The following CDH10 variants were observed in gnomAD, a reference collection of about 807,000 sequenced individuals.
CDH10 encodes cadherin-10.
In CDH10, 30 loss-of-function variants were observed where a neutral mutation model predicts 73.1. The observed-to-expected ratio is 0.41, with a 90% CI of 0.31 to 0.56. The LOEUF (loss-of-function observed/expected upper bound fraction) is 0.56. Among genes scored for constraint, CDH10 ranks in the 20% least tolerant of loss-of-function variants. CDH10 has a pLI of 0.27. For missense variants in CDH10, 815 were observed against 973.7 expected (o/e 0.84, Z 2.17); for synonymous variants, 345 against 348.2 (o/e 0.99, Z 0.10).
intron 2 of CDH10, among the ~76,000 whole-genome samples, chr5:24,547,840 A>G (rs1744398745): frequency 6.6e-6 from 1 of 152,184 alleles, no homozygotes; most frequent in Non-Finnish European, 1.5e-5. Flanking sequence ...TCCCTTGACA[A>G]ATGGCCATCG....
chr5:24,644,345 C>T (rs1748146921), intron 1 of CDH10, among the ~76,000 whole-genome samples: 1 of 152,068 alleles, frequency 6.6e-6, no homozygotes, highest in African/African-American at 2.4e-5. Context: ...TATCATGACC[C>T]ACTGTTGAGC....
At chr5:24,608,207 C>T (rs1166630805) in intron 1 of CDH10, among the ~76,000 whole-genome samples, 1 of 152,066 alleles carries the variant, frequency 6.6e-6, no homozygotes, top group Non-Finnish European at 1.5e-5. Flanking sequence ...GTTGGCAAAT[C>T]GAGTCATCTT....
intron 1 of CDH10, among the ~76,000 whole-genome samples, chr5:24,602,370 A>G (rs1746594547): frequency 6.6e-6 from 1 of 152,166 alleles, no homozygotes; most frequent in Admixed American, 6.5e-5. Context: ...CTGGACCATT[A>G]AGCCACAATC....
chr5:24,495,746 C>G (rs1204062843), intron 9 of CDH10, among the ~76,000 whole-genome samples: 2 of 151,544 alleles, frequency 1.3e-5, no homozygotes, highest in African/African-American at 2.4e-5. Context: ...ACTTGGGAGG[C>G]TGAGGCAGGA....
rs190453241 is a variant in CDH10, at chr5:24,617,531, G to A, written c.-123-23918C>T. Among the ~76,000 whole-genome samples the A allele has an allele frequency of 1.0e-3, 155 of 152,232 alleles. 1 individual carries two copies. The highest frequency in any genetic ancestry group is 3.4e-3 in the African/African-American group (142 of 41,556). ...AATTGGCTCCTCATAGCCTATGCAT[G>A]CCAATATAAATTCTAAATGACTTTA... On this transcript the variant is annotated intron_variant, in intron 1 of 11. Transcript: ENST00000264463.
intron 5 of CDH10, among the ~76,000 whole-genome samples, chr5:24,528,624 C>T (rs1743619945): frequency 6.6e-6 from 1 of 151,962 alleles, no homozygotes; most frequent in African/African-American, 2.4e-5. Context: ...GTGTTTGGTC[C>T]TTGGATATTG....
chr5:24,601,934 A>G (rs1166389499), intron 1 of CDH10, among the ~76,000 whole-genome samples: 1 of 152,162 alleles, frequency 6.6e-6, no homozygotes, highest in Non-Finnish European at 1.5e-5. Context: ...TGCAATTCCA[A>G]CTAAATCACA....
intron 2 of CDH10, among the ~76,000 whole-genome samples, chr5:24,556,286 A>AT (rs1439991128): frequency 1.3e-5 from 2 of 151,914 alleles, no homozygotes; most frequent in East Asian, 1.9e-4. Context: ...TACTTAATTC[A>AT]TTTTTTCTTT....
Position 24,517,863 on chromosome 5 carries a change from T to G in CDH10, c.815-6349A>C, listed in dbSNP as rs536856137. Reference sequence around the variant, plus strand: ...CTAGGTTATCTACAAGGTTATTTACTGAAGCCGCAGATAGACTCCACAACA... The same window carrying G: ...CTAGGTTATCTACAAGGTTATTTACGGAAGCCGCAGATAGACTCCACAACA... On this transcript the variant is annotated intron_variant, in intron 5 of 11. Transcript: ENST00000264463. Among the ~76,000 whole-genome samples the G allele has an allele frequency of 8.5e-5, 13 of 152,314 alleles. No individual in the cohort carries two copies. The East Asian group carries it at 2.3e-3, about 27-fold the overall frequency.
At chr5:24,553,793 A>G (rs1744641392) in intron 2 of CDH10, among the ~76,000 whole-genome samples, 1 of 151,994 alleles carries the variant, frequency 6.6e-6, no homozygotes, top group African/African-American at 2.4e-5. Context: ...TCCCTTGAAT[A>G]TTTTGTAATG....
chr5:24,542,647 A>G (rs1317574738), intron 2 of CDH10, among the ~76,000 whole-genome samples: 4 of 152,178 alleles, frequency 2.6e-5, no homozygotes, highest in Non-Finnish European at 5.9e-5. Flanking sequence ...GCATGATTGG[A>G]CCACAGACTG....
At chr5:24,631,811 ACT>A (rs1389668008) in intron 1 of CDH10, among the ~76,000 whole-genome samples, 1 of 152,056 alleles carries the variant, frequency 6.6e-6, no homozygotes, top group African/African-American at 2.4e-5. Context: ...ATATATTAAA[ACT>A]CTAAAATGTT....
intron 5 of CDH10, 83 bp downstream of exon 5, chr5:24,535,029 T>G: frequency 1.6e-6 from 2 of 1,286,238 alleles, no homozygotes; most frequent in Non-Finnish European, 2.1e-6. Context: ...GACAATTGCT[T>G]TTTCTTTTCT....
At chr5:24,509,457 T>G in intron 7 of CDH10, 109 bp downstream of exon 7, 1 of 882,440 alleles carries the variant, frequency 1.1e-6, no homozygotes. Flanking sequence ...GCCAGGCTGG[T>G]CTCGAACTCC....
At chr5:24,558,627 A>G (rs1272023408) in intron 2 of CDH10, among the ~76,000 whole-genome samples, 1 of 151,804 alleles carries the variant, frequency 6.6e-6, no homozygotes, top group Middle Eastern at 3.2e-3. Context: ...CACATCAAGG[A>G]GATGAATCTA....
At chr5:24,558,206 G>A (rs1744831129) in intron 2 of CDH10, among the ~76,000 whole-genome samples, 1 of 46,428 alleles carries the variant, frequency 2.2e-5, no homozygotes, top group Non-Finnish European at 4.7e-5. Context: ...TGTGTTTGGG[G>A]TCAAATTTCT....
At chr5:24,572,105 G>T (rs79694236) in intron 2 of CDH10, among the ~76,000 whole-genome samples, 5,029 of 152,126 alleles carry the variant, frequency 0.033, 206 homozygotes, top group African/African-American at 0.082. Context: ...TTGTTGTCTA[G>T]ATTTCTTTTG....
chr5:24,491,978 T>C (rs896835350), intron 10 of CDH10, 151 bp from the exon 11 acceptor site: 1 of 553,330 alleles, frequency 1.8e-6, no homozygotes. Flanking sequence ...ATGCAATTAA[T>C]ATATAGATAA....
At chr5:24,600,967 G>A (rs1746540923) in intron 1 of CDH10, among the ~76,000 whole-genome samples, 1 of 151,814 alleles carries the variant, frequency 6.6e-6, no homozygotes, top group Non-Finnish European at 1.5e-5. Context: ...GCCCTAGGCA[G>A]TTTGTATATG....
Sources: gnomAD v4.1 joint callset for allele counts (sites outside exome capture counted in the v4.1 genomes callset) on GRCh38, gnomAD v4.1.1 for gene constraint, MANE v1.5 for transcripts, NCBI Gene and HGNC (gene_info 2026-07-23, HGNC 2026-07-21) for gene names.